NDUFAF5: variants seen among roughly 807,000 people sequenced by gnomAD.
NDUFAF5 encodes arginine-hydroxylase NDUFAF5, mitochondrial.
In NDUFAF5, 34 loss-of-function variants were observed where a neutral mutation model predicts 48.9. The observed-to-expected ratio is 0.70, with a 90% CI of 0.53 to 0.93. The LOEUF is 0.93. Ranked by LOEUF, NDUFAF5 falls within the 40% of genes least tolerant of loss-of-function variation. NDUFAF5 has a pLI of 0.00. For synonymous variants in NDUFAF5, 153 were observed against 150.6 expected, an observed-to-expected ratio of 1.02 and a Z score of -0.12; for missense variants, 428 against 427.5, an observed-to-expected ratio of 1.00 and a Z score of -0.01.
In NDUFAF5 at chr20:13,787,332, C is replaced by T. The variant is rs762503718; in HGVS notation, c.243C>T (p.Asp81=). The change falls in exon 2 of 11, where the codon GAC becomes GAT. Residue 81 remains aspartate, a synonymous_variant. Transcript: ENST00000378106. ...LKEEVGSRIA[D]RVYDIPRNFP... ...TTCAGGTTGGAAGTCGGATCGCAGACCGTGTATATGACATACCCAGGTAAG... is the reference window on the plus strand; with the variant it reads ...TTCAGGTTGGAAGTCGGATCGCAGATCGTGTATATGACATACCCAGGTAAG... 4 of 1,614,042 alleles carry T rather than the reference C, an allele frequency of 2.5e-6. No homozygotes were observed. The highest frequency in any genetic ancestry group is 3.4e-6 in the Non-Finnish European group (4 of 1,179,970).
intron 5 of NDUFAF5, among the ~76,000 whole-genome samples, chr20:13,796,142 G>A (rs1983177141): frequency 1.3e-5 from 2 of 152,166 alleles, no homozygotes. Context: ...CTGTTTTTAG[G>A]GTGACCAGTC....
At chr20:13,793,713 G>T (rs146526556) in intron 4 of NDUFAF5, among the ~76,000 whole-genome samples, 2 of 152,278 alleles carry the variant, frequency 1.3e-5, no homozygotes, top group East Asian at 3.9e-4. Context: ...AAGCCACATT[G>T]TATGTTTGAT....
At chr20:13,790,746 G>C (rs1982146554) in intron 3 of NDUFAF5, among the ~76,000 whole-genome samples, 3 of 152,028 alleles carry the variant, frequency 2.0e-5, no homozygotes, top group African/African-American at 7.2e-5. Flanking sequence ...AGCAACCCTG[G>C]CCTCCTTGCA....
At chr20:13,799,705 A>AG (rs1983828834) in intron 6 of NDUFAF5, among the ~76,000 whole-genome samples, 1 of 136,132 alleles carries the variant, frequency 7.3e-6, no homozygotes, top group African/African-American at 2.8e-5. Context: ...TCTCAAAAAA[A>AG]AAAAAAAGAA....
intron 7 of NDUFAF5, among the ~76,000 whole-genome samples, chr20:13,806,638 G>A (rs557806752): frequency 6.6e-6 from 1 of 152,338 alleles, no homozygotes; most frequent in South Asian, 2.1e-4. Flanking sequence ...TGGTTGCACT[G>A]AAGAATTGTT....
At chr20:13,797,153 A>G (rs1365695476) in intron 5 of NDUFAF5, among the ~76,000 whole-genome samples, 1 of 152,224 alleles carries the variant, frequency 6.6e-6, no homozygotes. Context: ...GGAATGCGAA[A>G]TGGTACAGGC....
intron 7 of NDUFAF5, among the ~76,000 whole-genome samples, chr20:13,808,140 A>G (rs1985343126): frequency 6.6e-6 from 1 of 152,124 alleles, no homozygotes; most frequent in South Asian, 2.1e-4. Context: ...CCACAGCAAA[A>G]GAGATGGCCT....
At chr20:13,810,881 AT>A (rs906259987) in intron 8 of NDUFAF5, among the ~76,000 whole-genome samples, 1 of 151,832 alleles carries the variant, frequency 6.6e-6, no homozygotes, top group African/African-American at 2.4e-5. Context: ...TTGTGGGTCT[AT>A]TTTTTTTGTC....
At chr20:13,801,436 T>C (rs1316392725) in intron 6 of NDUFAF5, 50 bp from the exon 7 acceptor site, 1 of 1,220,014 alleles carries the variant, frequency 8.2e-7, no homozygotes, top group East Asian at 2.6e-5. Context: ...TTTTTTAACA[T>C]TTATATATAT....
At chr20:13,792,173 T>C (rs1024778831) in intron 3 of NDUFAF5, among the ~76,000 whole-genome samples, 2 of 152,220 alleles carry the variant, frequency 1.3e-5, no homozygotes, top group African/African-American at 4.8e-5. Flanking sequence ...CATCTAATTC[T>C]TCACCCCTCA....
chr20:13,795,671 T>C (rs1983086496), intron 5 of NDUFAF5, among the ~76,000 whole-genome samples: 3 of 152,064 alleles, frequency 2.0e-5, no homozygotes, highest in Admixed American at 1.3e-4. Flanking sequence ...ATTAAAAAAT[T>C]AGCTGGGCAA....
At chr20:13,795,002 T>C (rs1247467294) in intron 5 of NDUFAF5, 61 bp downstream of exon 5, 6 of 1,223,754 alleles carry the variant, frequency 4.9e-6, no homozygotes, top group Non-Finnish European at 6.0e-6. Context: ...CCATAAAGTT[T>C]TGCTATGAGG....
Position 13,801,841 on chromosome 20 carries a change from T to A in NDUFAF5, c.717+158T>A, listed in dbSNP as rs981202661. On this transcript the variant is annotated intron_variant, in intron 7 of 10. Transcript: ENST00000378106. ...AGGGAAAAGCTCTGATTGACAATGT[T>A]TAGTTTGTATAACACATCTTAATTG... 4 of 640,884 alleles carry A rather than the reference T, an allele frequency of 6.2e-6. No homozygotes were observed. In the African/African-American group the frequency reaches 7.3e-5, roughly 12 times the overall value. 39.7% of individuals were successfully genotyped at this position (640,884 alleles called of 1,614,324 possible). A position where few individuals can be genotyped will look rare whatever the true frequency, so the allele number is the denominator to read the frequency against.
chr20:13,805,021 A>G (rs1984790486), intron 7 of NDUFAF5, among the ~76,000 whole-genome samples: 1 of 152,190 alleles, frequency 6.6e-6, no homozygotes, highest in Non-Finnish European at 1.5e-5. Context: ...TTTACTTATA[A>G]TATGGAAAAA....
chr20:13,788,860 A>G (rs558997372), intron 3 of NDUFAF5, among the ~76,000 whole-genome samples: 3 of 151,886 alleles, frequency 2.0e-5, no homozygotes, highest in East Asian at 1.9e-4. Context: ...CTCTGAATCC[A>G]TTATATATTA....
rs111473056 is a variant in NDUFAF5, at chr20:13,787,291, A to C, written c.223-21A>C. 8 of 1,613,702 alleles carry C rather than the reference A, an allele frequency of 5.0e-6. No homozygotes were observed. In the African/African-American group the frequency reaches 9.3e-5, roughly 19 times the overall value. ...AAGAGTGTTACTTCCCCGTTAACCT[A>C]CGCCTCGTGTAATCCTTCAGGTTGG... On this transcript the variant is annotated intron_variant, in intron 1 of 10. Transcript: ENST00000378106.
At chr20:13,803,863 A>G (rs965130871) in intron 7 of NDUFAF5, among the ~76,000 whole-genome samples, 3 of 151,812 alleles carry the variant, frequency 2.0e-5, no homozygotes, top group Admixed American at 6.6e-5. Flanking sequence ...TTGGCCCACC[A>G]CAATCTCTCC....
intron 3 of NDUFAF5, among the ~76,000 whole-genome samples, chr20:13,791,398 A>G (rs1982256737): frequency 1.3e-5 from 2 of 152,230 alleles, no homozygotes; most frequent in South Asian, 4.1e-4. Context: ...TAAGTGAGGC[A>G]AAGTAAACCT....
rs190524148 is a variant in NDUFAF5, at chr20:13,799,960, A to C, written c.519+1460A>C. The stretch of plus-strand genomic sequence containing the variant: ...AGTAGGGGAAAGAATGTTAATGATC[A>C]GATAAAGGGAATAGAAAATGGCAAT... On this transcript the variant is annotated intron_variant, in intron 6 of 10. Coordinates refer to ENST00000378106, the MANE Select transcript of NDUFAF5 (RefSeq NM_024120.5). Among the ~76,000 whole-genome samples the C allele has an allele frequency of 1.8e-3, 281 of 152,302 alleles. 2 individuals are homozygous for C. Among genetic ancestry groups the C allele is most frequent in the Non-Finnish European group, 2.7e-3 (186 of 68,034 alleles).
Sources: allele counts gnomAD v4.1 joint callset (sites outside exome capture counted in the v4.1 genomes callset), GRCh38; gene constraint gnomAD v4.1.1; transcripts MANE v1.5; gene names NCBI Gene and HGNC (gene_info 2026-07-23, HGNC 2026-07-21).